The following ABCB10 variants were observed in gnomAD, a reference collection of about 807,000 sequenced individuals.
The protein encoded by ABCB10 is ATP-binding cassette sub-family B member 10, mitochondrial.
A neutral mutation model predicts 65.4 loss-of-function variants in ABCB10; 54 were observed. The observed-to-expected ratio is 0.83, with a 90% CI of 0.66 to 1.04. The LOEUF (loss-of-function observed/expected upper bound fraction) is 1.04, where lower values mean the gene tolerates loss of function less well. ABCB10 is among the 50% of genes least tolerant of loss of function. The pLI, the probability that ABCB10 is intolerant of heterozygous loss-of-function variation, is 0.00. For synonymous variants in ABCB10, 418 were observed against 406.5 expected (o/e 1.03, Z -0.34); for missense variants, 846 against 976.6 (o/e 0.87, Z 1.78).
chr1:229,550,195 C>T (rs1040841837), intron 1 of ABCB10, among the ~76,000 whole-genome samples: 10 of 152,032 alleles, frequency 6.6e-5, no homozygotes, highest in Non-Finnish European at 1.5e-4. Context: ...TGTTCATGCA[C>T]CTAAAAAACA....
At chr1:229,526,727 C>T (rs1200185775) in intron 9 of ABCB10, among the ~76,000 whole-genome samples, 1 of 152,236 alleles carries the variant, frequency 6.6e-6, no homozygotes, top group Admixed American at 6.5e-5. Flanking sequence ...GCAACATTTC[C>T]CTGCCCCAAA....
chr1:229,554,222 G>A (rs576791657), intron 1 of ABCB10, among the ~76,000 whole-genome samples: 108 of 152,134 alleles, frequency 7.1e-4, no homozygotes, highest in Non-Finnish European at 7.6e-4. Flanking sequence ...CGGCATCTGC[G>A]CTGGGTAGAG....
chr1:229,558,068 G>A, intron 1 of ABCB10, 68 bp downstream of exon 1: 2 of 1,265,234 alleles, frequency 1.6e-6, no homozygotes, highest in South Asian at 2.3e-5. Flanking sequence ...GTCCCTCTCG[G>A]CGCCCCGGGA....
intron 6 of ABCB10, among the ~76,000 whole-genome samples, chr1:229,538,574 C>T (rs1371210414): frequency 2.6e-5 from 4 of 152,138 alleles, no homozygotes; most frequent in African/African-American, 9.7e-5. Flanking sequence ...GCCAGCACCC[C>T]AAAACATCTT....
chr1:229,545,127 C>T lies in ABCB10; in HGVS notation c.921+2372G>A, dbSNP rs192612979. On this transcript the variant is annotated intron_variant, in intron 3 of 12. Coordinates refer to ENST00000344517, the MANE Select transcript of ABCB10 (RefSeq NM_012089.3). ...AAACAGACCCCTTTGAATTGCTCAT[C>T]TGACCTACACTGAATTCCCTTTCCT... Among the ~76,000 whole-genome samples, 10 of 152,302 alleles carry T rather than the reference C, an allele frequency of 6.6e-5. No individual in the cohort carries two copies. In the East Asian group the frequency reaches 1.4e-3, roughly 21 times the overall value.
intron 8 of ABCB10, among the ~76,000 whole-genome samples, chr1:229,527,583 T>C (rs1366425827): frequency 6.6e-6 from 1 of 152,194 alleles, no homozygotes; most frequent in Admixed American, 6.5e-5. Context: ...CCGGAGGTTG[T>C]AGGGAGTTTT....
intron 2 of ABCB10, among the ~76,000 whole-genome samples, chr1:229,548,497 G>T (rs1289733908): frequency 6.6e-6 from 1 of 151,996 alleles, no homozygotes; most frequent in Non-Finnish European, 1.5e-5. Context: ...TTGTGGCAGT[G>T]ACCTGCCTGT....
Position 229,542,254 on chromosome 1 carries a change from G to A in ABCB10, c.1039C>T (p.Leu347=), listed in dbSNP as rs2102700658. ...GCCTTTACCTGAGTGGCTTGTGCCAGGGAATCCTGAGTGACTTTGGTCAGT... is the reference window on the plus strand; with the variant it reads ...GCCTTTACCTGAGTGGCTTGTGCCAAGGAATCCTGAGTGACTTTGGTCAGT... The part of the protein sequence containing the change: ...RKLTKVTQDS[L]AQATQLAEER... The change falls in exon 4 of 13, where the codon CTG becomes TTG. Residue 347 remains leucine, a synonymous_variant. Coordinates refer to ENST00000344517, the MANE Select transcript of ABCB10 (RefSeq NM_012089.3). 1 of 1,614,010 alleles carries A rather than the reference G, an allele frequency of 6.2e-7. No individual in the cohort carries two copies. The highest frequency in any genetic ancestry group is 1.1e-5 in the South Asian group (1 of 91,062).
At position 229,517,660 on chromosome 1, in the gene ABCB10, G is replaced by C. The variant is rs1043053871; in HGVS notation, c.*519C>G. ...TATAAATGTTCCCTTCTTTCCAGCT[G>C]ATGTTAAATAGTTAGGTTTGCTTCA... On this transcript the variant is annotated 3_prime_UTR_variant, in exon 13 of 13. Transcript: ENST00000344517. 1.3e-5 allele frequency: 2 copies of C among 153,620 alleles called. No homozygotes were observed. The highest frequency in any genetic ancestry group is 4.8e-5 in the African/African-American group (2 of 41,446). 9.5% of individuals were successfully genotyped at this position (153,620 alleles called of 1,614,324 possible).
intron 6 of ABCB10, among the ~76,000 whole-genome samples, chr1:229,537,739 G>A (rs1041127295): frequency 2.0e-5 from 3 of 152,132 alleles, no homozygotes; most frequent in Non-Finnish European, 4.4e-5. Flanking sequence ...GCAGTGAGCC[G>A]ACATCATGCC....
chr1:229,548,895 TC>T (rs1663032919), intron 2 of ABCB10, among the ~76,000 whole-genome samples: 5 of 151,976 alleles, frequency 3.3e-5, no homozygotes, highest in Admixed American at 3.3e-4. Flanking sequence ...ACTCCTGACC[TC>T]ATGATCCACC....
chr1:229,538,819 C>T lies in ABCB10; in HGVS notation c.1339+637G>A, dbSNP rs574670096. 2.0e-5 allele frequency among the ~76,000 whole-genome samples: 3 copies of T among 152,284 alleles called. No homozygotes were observed. The South Asian group carries it at 6.2e-4, about 32-fold the overall frequency. Reference sequence around the variant, plus strand: ...TCAGACCTTAAGCTACTTACCTGACCTTTCCATCTTGATTTTCAAAGACAA... The same window carrying T: ...TCAGACCTTAAGCTACTTACCTGACTTTTCCATCTTGATTTTCAAAGACAA... On this transcript the variant is annotated intron_variant, in intron 6 of 12. Coordinates refer to ENST00000344517, the MANE Select transcript of ABCB10 (RefSeq NM_012089.3).
At chr1:229,519,924 A>C (rs759651345) in intron 11 of ABCB10, among the ~76,000 whole-genome samples, 1 of 152,166 alleles carries the variant, frequency 6.6e-6, no homozygotes, top group Non-Finnish European at 1.5e-5. Context: ...CCAGGAGTTC[A>C]AGACCAGCCT....
At chr1:229,544,245 T>C (rs963747503) in intron 3 of ABCB10, among the ~76,000 whole-genome samples, 3 of 151,820 alleles carry the variant, frequency 2.0e-5, no homozygotes, top group Non-Finnish European at 4.4e-5. Context: ...GGTGAGACAC[T>C]GTCTCTATAA....
chr1:229,548,360 C>T (rs1026002856), intron 2 of ABCB10, among the ~76,000 whole-genome samples: 2 of 152,134 alleles, frequency 1.3e-5, no homozygotes, highest in African/African-American at 4.8e-5. Flanking sequence ...CTTCCAAAAG[C>T]TCATTTTGTT....
At chr1:229,524,838 T>C (rs901416815) in intron 10 of ABCB10, among the ~76,000 whole-genome samples, 4 of 152,178 alleles carry the variant, frequency 2.6e-5, no homozygotes, top group East Asian at 1.9e-4. Context: ...AGCCATCATA[T>C]GTGACCCATA....
chr1:229,548,681 G>A (rs1000505521), intron 2 of ABCB10, among the ~76,000 whole-genome samples: 1 of 111,256 alleles, frequency 9.0e-6, no homozygotes, highest in African/African-American at 3.9e-5. Flanking sequence ...TTTTTTTTTT[G>A]AGATGGAGTC....
intron 1 of ABCB10, among the ~76,000 whole-genome samples, chr1:229,556,552 G>A (rs1663251429): frequency 6.6e-6 from 1 of 152,136 alleles, no homozygotes; most frequent in Admixed American, 6.5e-5. Context: ...GTCTCGTCTT[G>A]TTTAAGGCTG....
chr1:229,517,482 T>C lies in ABCB10; in HGVS notation c.*697A>G, dbSNP rs183637416. Reference sequence around the variant, plus strand: ...AAACATGTGAATTTAAAAAACATGTTTTCCTGTTCAAAAAATAAAGCTTCT... The same window carrying C: ...AAACATGTGAATTTAAAAAACATGTCTTCCTGTTCAAAAAATAAAGCTTCT... On this transcript the variant is annotated 3_prime_UTR_variant, in exon 13 of 13. Transcript: ENST00000344517. 6.6e-6 allele frequency: 1 copy of C among 152,360 alleles called. No homozygotes were observed. Among genetic ancestry groups the C allele is most frequent in the East Asian group, 1.9e-4 (1 of 5,194 alleles). The allele number at this position is 152,360 out of a possible 1,614,324, so 9.4% of individuals were successfully genotyped here. A position where few individuals can be genotyped will look rare whatever the true frequency, so the allele number is the denominator to read the frequency against.
Sources: gnomAD v4.1 joint callset for allele counts (sites outside exome capture counted in the v4.1 genomes callset) on GRCh38, gnomAD v4.1.1 for gene constraint, MANE v1.5 for transcripts, NCBI Gene and HGNC (gene_info 2026-07-23, HGNC 2026-07-21) for gene names.